The following TMEM132D variants were observed in gnomAD, a reference collection of about 807,000 sequenced individuals.
TMEM132D encodes the protein mature OL transmembrane protein.
TMEM132D carries 21 observed loss-of-function variants against 62.3 expected under a neutral mutation model. That is an observed-to-expected ratio of 0.34 (90% CI 0.24 to 0.49). The LOEUF is 0.49. Ranked by LOEUF, TMEM132D falls within the 20% of genes least tolerant of loss-of-function variation. The pLI, the probability that TMEM132D is intolerant of heterozygous loss-of-function variation, is 0.99. For missense variants in TMEM132D, 1,346 were observed against 1,402.8 expected (o/e 0.96, Z 0.65); for synonymous variants, 621 against 575.6 (o/e 1.08, Z -1.13).
chr12:129,898,452 C>A (rs1875222761), intron 1 of TMEM132D, among the ~76,000 whole-genome samples: 1 of 152,208 alleles, frequency 6.6e-6, no homozygotes, highest in Non-Finnish European at 1.5e-5. Context: ...AAAAGATATT[C>A]ACATCCAAAT....
In TMEM132D at chr12:129,776,166, A is replaced by T. The variant is rs564296406; in HGVS notation, c.80-75468T>A. On this transcript the variant is annotated intron_variant, in intron 1 of 8. Transcript: ENST00000422113. ...AAGCAAAATCATGAGAAAGAAGTCC[A>T]GAATAAAGATGGTAATCCTGGGCTG... 2.6e-5 allele frequency among the ~76,000 whole-genome samples: 4 copies of T among 152,308 alleles called. No individual in the cohort carries two copies. The South Asian group carries it at 8.3e-4, about 32-fold the overall frequency.
At chr12:129,505,718 A>G (rs1221365506) in intron 3 of TMEM132D, among the ~76,000 whole-genome samples, 2 of 152,104 alleles carry the variant, frequency 1.3e-5, no homozygotes, top group African/African-American at 4.8e-5. Context: ...TTAGGTGCAT[A>G]TATATTCAGG....
chr12:129,511,842 C>G (rs1466604536), intron 3 of TMEM132D, among the ~76,000 whole-genome samples: 2 of 152,140 alleles, frequency 1.3e-5, no homozygotes, highest in African/African-American at 4.8e-5. Flanking sequence ...TTAGAAAAAT[C>G]TTGCCAAGAA....
At chr12:129,400,433 G>A (rs1871586761) in intron 3 of TMEM132D, among the ~76,000 whole-genome samples, 1 of 152,060 alleles carries the variant, frequency 6.6e-6, no homozygotes, top group African/African-American at 2.4e-5. Flanking sequence ...CTGAAGCCAT[G>A]GTTTTTAGTT....
At chr12:129,655,957 C>T (rs897239191) in intron 2 of TMEM132D, among the ~76,000 whole-genome samples, 7 of 152,164 alleles carry the variant, frequency 4.6e-5, no homozygotes, top group Middle Eastern at 3.2e-3. Flanking sequence ...ACTTCTCTTT[C>T]GGTTCCTCTC....
At chr12:129,551,605 A>G (rs1482109837) in intron 2 of TMEM132D, among the ~76,000 whole-genome samples, 1 of 152,218 alleles carries the variant, frequency 6.6e-6, no homozygotes, top group Non-Finnish European at 1.5e-5. Flanking sequence ...TATAGCGCCA[A>G]TCAGTTGGGG....
intron 5 of TMEM132D, among the ~76,000 whole-genome samples, chr12:129,129,912 CT>C (rs946038014): frequency 3.0e-4 from 46 of 152,076 alleles, no homozygotes; most frequent in African/African-American, 1.1e-3. Context: ...CTCATATTTG[CT>C]TCTCTCATTC....
At chr12:129,222,549 T>C (rs1879377191) in intron 4 of TMEM132D, among the ~76,000 whole-genome samples, 1 of 152,244 alleles carries the variant, frequency 6.6e-6, no homozygotes, top group Non-Finnish European at 1.5e-5. Context: ...ATTTTATCTC[T>C]GACTGCCTTC....
At chr12:129,788,046 A>G (rs1481820361) in intron 1 of TMEM132D, among the ~76,000 whole-genome samples, 1 of 152,122 alleles carries the variant, frequency 6.6e-6, no homozygotes, top group African/African-American at 2.4e-5. Context: ...TGGCCCAACC[A>G]CTCGGGGCAC....
intron 5 of TMEM132D, among the ~76,000 whole-genome samples, chr12:129,176,513 C>T (rs1056961047): frequency 6.6e-6 from 1 of 152,184 alleles, no homozygotes; most frequent in African/African-American, 2.4e-5. Flanking sequence ...CAGAGGAAGG[C>T]GAATAGCAAG....
At chr12:129,367,392 C>T (rs1870449228) in intron 3 of TMEM132D, among the ~76,000 whole-genome samples, 1 of 152,140 alleles carries the variant, frequency 6.6e-6, no homozygotes, top group African/African-American at 2.4e-5. Flanking sequence ...GTCCATGGAT[C>T]CTTTCCTTTA....
At chr12:129,485,904 T>A (rs912921000) in intron 3 of TMEM132D, among the ~76,000 whole-genome samples, 1 of 152,234 alleles carries the variant, frequency 6.6e-6, no homozygotes, top group Non-Finnish European at 1.5e-5. Context: ...TTATAACTTC[T>A]GAGTATCTAG....
chr12:129,397,335 C>T (rs950896623), intron 3 of TMEM132D, among the ~76,000 whole-genome samples: 2 of 152,154 alleles, frequency 1.3e-5, no homozygotes, highest in Non-Finnish European at 2.9e-5. Flanking sequence ...ACCAAGTGTG[C>T]GTTTGTCACT....
intron 5 of TMEM132D, among the ~76,000 whole-genome samples, chr12:129,114,890 G>A (rs547786945): frequency 4.7e-4 from 72 of 152,256 alleles, no homozygotes; most frequent in African/African-American, 1.5e-3. Context: ...ATTCCATTGC[G>A]TGAATATACC....
At chr12:129,176,923 A>T (rs1328387527) in intron 5 of TMEM132D, among the ~76,000 whole-genome samples, 1 of 152,224 alleles carries the variant, frequency 6.6e-6, no homozygotes, top group Non-Finnish European at 1.5e-5. Flanking sequence ...TTTGGGAAAG[A>T]TCCTGTTGAG....
At chr12:129,819,443 C>T (rs544197960) in intron 1 of TMEM132D, among the ~76,000 whole-genome samples, 23 of 152,134 alleles carry the variant, frequency 1.5e-4, no homozygotes, top group African/African-American at 2.2e-4. Context: ...TTCAGATCTC[C>T]GTGCAAGCAA....
At chr12:129,190,157 C>G in intron 5 of TMEM132D, among the ~76,000 whole-genome samples, 1 of 63,732 alleles carries the variant, frequency 1.6e-5, no homozygotes. Context: ...CTCAGGCCTG[C>G]AGATGGAGGG....
chr12:129,396,526 C>T (rs556547559), intron 3 of TMEM132D, among the ~76,000 whole-genome samples: 16 of 152,320 alleles, frequency 1.1e-4, no homozygotes, highest in Middle Eastern at 3.4e-3. Flanking sequence ...GAAGACTCAA[C>T]GCTGCTGGGC....
chr12:129,234,164 C>A (rs1183959719), intron 4 of TMEM132D, among the ~76,000 whole-genome samples: 1 of 152,050 alleles, frequency 6.6e-6, no homozygotes, highest in Non-Finnish European at 1.5e-5. Flanking sequence ...GAAATGTACT[C>A]CAACAGCTGC....
Sources: gnomAD v4.1 joint callset for allele counts (sites outside exome capture counted in the v4.1 genomes callset) on GRCh38, gnomAD v4.1.1 for gene constraint, MANE v1.5 for transcripts, NCBI Gene and HGNC (gene_info 2026-07-23, HGNC 2026-07-21) for gene names.